Variants in GREM2 observed in about 807,000 individuals in gnomAD.
GREM2 encodes gremlin-2.
GREM2 carries 11 observed loss-of-function variants against 14.2 expected under a neutral mutation model. That is an observed-to-expected ratio of 0.78 (90% CI 0.49 to 1.28). GREM2 has a LOEUF of 1.28. Among genes scored for constraint, GREM2 ranks in the 50% most tolerant of loss-of-function variants. GREM2 has a pLI of 0.00. For synonymous variants in GREM2, 98 were observed against 97.6 expected (o/e 1.00, Z -0.02); for missense variants, 210 against 218.5 (o/e 0.96, Z 0.24).
chr1:240,563,144 TGTGA>T lies in GREM2; in HGVS notation c.-2+48736_-2+48739del, dbSNP rs772968267. 2.4e-4 allele frequency among the ~76,000 whole-genome samples: 36 copies of T among 147,110 alleles called. 2 individuals are homozygous for T. Among genetic ancestry groups the T allele is most frequent in the African/African-American group, 4.8e-4 (18 of 37,126 alleles). On this transcript the variant is annotated intron_variant, in intron 1 of 1. Coordinates refer to ENST00000318160, the MANE Select transcript of GREM2 (RefSeq NM_022469.4). ...GTGAGTGTGTATGTGTATGTGTGTG[TGTGA>T]GTGTGTATGTGTGTACGTGTGAGTG...
intron 1 of GREM2, among the ~76,000 whole-genome samples, chr1:240,499,080 A>G (rs1031003400): frequency 5.3e-5 from 8 of 152,240 alleles, no homozygotes; most frequent in Admixed American, 5.2e-4. Flanking sequence ...GGAATCCATC[A>G]CAGGCCCCTT....
chr1:240,539,541 C>T (rs947695306), intron 1 of GREM2, among the ~76,000 whole-genome samples: 3 of 152,176 alleles, frequency 2.0e-5, no homozygotes, highest in African/African-American at 7.2e-5. Flanking sequence ...GGCTTCTTAA[C>T]AAAAGAGATT....
intron 1 of GREM2, among the ~76,000 whole-genome samples, chr1:240,584,752 C>T (rs1481236412): frequency 3.9e-5 from 6 of 152,012 alleles, no homozygotes; most frequent in Non-Finnish European, 8.8e-5. Context: ...CAACTATTTA[C>T]ATAGCATTTA....
chr1:240,506,427 C>T (rs557930934), intron 1 of GREM2, among the ~76,000 whole-genome samples: 35 of 152,102 alleles, frequency 2.3e-4, no homozygotes, highest in Non-Finnish European at 4.3e-4. Context: ...AAGTCTTACG[C>T]ACCCTGCCTT....
At chr1:240,568,693 T>C (rs2103360706) in intron 1 of GREM2, among the ~76,000 whole-genome samples, 1 of 152,248 alleles carries the variant, frequency 6.6e-6, no homozygotes, top group South Asian at 2.1e-4. Context: ...CTTTCTTGAT[T>C]GAAAGAAAGC....
rs561651402 is a variant in GREM2 at position 240,542,950 on chromosome 1, A to C, written c.-1-49474T>G. On this transcript the variant is annotated intron_variant, in intron 1 of 1. Coordinates refer to ENST00000318160, the MANE Select transcript of GREM2 (RefSeq NM_022469.4). This position sits in a 1 kb window ranked among gnomAD's most constrained non-coding sequence, Gnocchi z 4.1. ...TCTCCACTCTTAGAAGTTCTGTAAG[A>C]TCCCACCAAAAAATATCACCTTCTT... Among the ~76,000 whole-genome samples, 1 of 152,194 alleles carries C rather than the reference A, an allele frequency of 6.6e-6. No homozygotes were observed. Among genetic ancestry groups the C allele is most frequent in the Non-Finnish European group, 1.5e-5 (1 of 68,030 alleles).
intron 1 of GREM2, among the ~76,000 whole-genome samples, chr1:240,509,360 A>ATTTT (rs564246660): frequency 1.8e-5 from 2 of 112,022 alleles, no homozygotes; most frequent in Admixed American, 1.0e-4. Flanking sequence ...AGCTCATTTG[A>ATTTT]TTTTTTTTTT....
Position 240,542,756 on chromosome 1 carries a change from A to G in GREM2, c.-1-49280T>C, listed in dbSNP as rs1224695095. Among the ~76,000 whole-genome samples, 1 of 152,220 alleles carries G rather than the reference A, an allele frequency of 6.6e-6. No individual in the cohort carries two copies. Among genetic ancestry groups the G allele is most frequent in the African/African-American group, 2.4e-5 (1 of 41,468 alleles). On this transcript the variant is annotated intron_variant, in intron 1 of 1. Transcript: ENST00000318160. This position sits in a 1 kb window ranked among gnomAD's most constrained non-coding sequence, Gnocchi z 4.1. ...TCTGATGGTTTGGCATAAGAAGATT[A>G]TGAATCAAGCTTATCTGCAATAAAA...
chr1:240,576,296 T>G (rs1679371659), intron 1 of GREM2, among the ~76,000 whole-genome samples: 1 of 152,222 alleles, frequency 6.6e-6, no homozygotes, highest in Non-Finnish European at 1.5e-5. Context: ...GGTTTGCTGC[T>G]CCACCTCCTT....
chr1:240,499,843 T>G (rs1421529267), intron 1 of GREM2, among the ~76,000 whole-genome samples: 1 of 152,230 alleles, frequency 6.6e-6, no homozygotes, highest in Non-Finnish European at 1.5e-5. Flanking sequence ...GCTGCTTTGG[T>G]GCTATAAGGG....
Position 240,533,295 on chromosome 1 carries a change from G to T in GREM2, c.-1-39819C>A, listed in dbSNP as rs554715838. ...TGTGAAAAGGTTGGGAAAAGGAAAG[G>T]CATTCTAGCCAAAGAGAACAGATCA... On this transcript the variant is annotated intron_variant, in intron 1 of 1. Coordinates refer to ENST00000318160, the MANE Select transcript of GREM2 (RefSeq NM_022469.4). 4.6e-5 allele frequency among the ~76,000 whole-genome samples: 7 copies of T among 152,252 alleles called. No homozygotes were observed. In the East Asian group the frequency reaches 1.4e-3, roughly 29 times the overall value.
chr1:240,545,751 G>A (rs768149338), intron 1 of GREM2, among the ~76,000 whole-genome samples: 11 of 152,316 alleles, frequency 7.2e-5, no homozygotes, highest in African/African-American at 2.2e-4. Context: ...AGCCCCACAC[G>A]TCTGGCGTCA....
At chr1:240,533,836 G>A (rs944903999) in intron 1 of GREM2, among the ~76,000 whole-genome samples, 5 of 152,332 alleles carry the variant, frequency 3.3e-5, no homozygotes, top group Non-Finnish European at 7.3e-5. Context: ...TGGGAAACTA[G>A]TCTACAGAAA....
Position 240,586,589 on chromosome 1 carries a change from G to A in GREM2, c.-2+25295C>T, listed in dbSNP as rs561128663. On this transcript the variant is annotated intron_variant, in intron 1 of 1. Coordinates refer to ENST00000318160, the MANE Select transcript of GREM2 (RefSeq NM_022469.4). ...GGAAGTGGACCCTGGAAGAAGAGCC[G>A]AGGAGAGACACATGAACCAGGCTCC... is the stretch of plus-strand genomic sequence containing the variant. Among the ~76,000 whole-genome samples the A allele has an allele frequency of 6.6e-5, 10 of 152,238 alleles. No homozygotes were observed. In the East Asian group the frequency reaches 1.4e-3, roughly 21 times the overall value.
chr1:240,497,498 G>A (rs1159884159), intron 1 of GREM2, among the ~76,000 whole-genome samples: 9 of 152,006 alleles, frequency 5.9e-5, no homozygotes, highest in African/African-American at 1.7e-4. Flanking sequence ...AGCAGGAGGA[G>A]CTTAGGAAGT....
At chr1:240,572,159 A>T (rs193267859) in intron 1 of GREM2, among the ~76,000 whole-genome samples, 1 of 152,286 alleles carries the variant, frequency 6.6e-6, no homozygotes, top group Non-Finnish European at 1.5e-5. Context: ...ATTTCTACAG[A>T]TTTATTAGGT....
intron 1 of GREM2, among the ~76,000 whole-genome samples, chr1:240,554,427 AG>A (rs1456227788): frequency 1.3e-5 from 2 of 151,890 alleles, no homozygotes; most frequent in Non-Finnish European, 2.9e-5. Context: ...AAAAAAAAAA[AG>A]ATGAGGTCTC....
At chr1:240,565,723 G>A (rs1486503092) in intron 1 of GREM2, among the ~76,000 whole-genome samples, 1 of 151,812 alleles carries the variant, frequency 6.6e-6, no homozygotes, top group African/African-American at 2.4e-5. Flanking sequence ...GTGAGTGCCT[G>A]TAGTCCCAGC....
chr1:240,587,089 G>A (rs1372578302), intron 1 of GREM2, among the ~76,000 whole-genome samples: 3 of 152,030 alleles, frequency 2.0e-5, no homozygotes, highest in Non-Finnish European at 2.9e-5. Context: ...TTCCTATTCT[G>A]AAGTTAAGTC....
Sources: gnomAD v4.1 joint callset for allele counts (sites outside exome capture counted in the v4.1 genomes callset) on GRCh38, gnomAD v4.1.1 for gene constraint, Gnocchi (gnomAD v3.1) non-coding constraint, MANE v1.5 for transcripts, NCBI Gene and HGNC (gene_info 2026-07-23, HGNC 2026-07-21) for gene names.